The following OTOF variants were observed in gnomAD, a reference collection of about 807,000 sequenced individuals.
OTOF encodes the protein fer-1-like family member 2.
OTOF carries 218 observed loss-of-function variants against 236.8 expected under a neutral mutation model. The ratio of observed to expected loss-of-function variants is 0.92; its 90% CI spans 0.82 to 1.03. The LOEUF (loss-of-function observed/expected upper bound fraction) is 1.03. Ranked by LOEUF, OTOF falls within the 50% of genes least tolerant of loss-of-function variation. OTOF has a pLI of 0.00. For missense variants in OTOF, 2,590 were observed against 2,694.4 expected, an observed-to-expected ratio of 0.96 and a Z score of 0.86; for synonymous variants, 1,041 against 1,072.5, an observed-to-expected ratio of 0.97 and a Z score of 0.57.
intron 13 of OTOF, 49 bp downstream of exon 13, chr2:26,483,413 G>A (rs750399514): frequency 1.4e-5 from 22 of 1,563,056 alleles, no homozygotes; most frequent in East Asian, 4.5e-5. Context: ...GCCTGCCCTT[G>A]TGATACCTGT....
intron 38 of OTOF, 66 bp from the exon 39 acceptor site, chr2:26,465,095 G>A: frequency 1.5e-6 from 2 of 1,354,774 alleles, no homozygotes; most frequent in Non-Finnish European, 2.0e-6. Context: ...ATGACAGCTG[G>A]TCGTGGCCAG....
At chr2:26,532,176 G>A (rs1389783302) in intron 2 of OTOF, among the ~76,000 whole-genome samples, 2 of 150,194 alleles carry the variant, frequency 1.3e-5, no homozygotes, top group Admixed American at 6.6e-5. Flanking sequence ...AGTACTTCCA[G>A]AGCACATTTA....
At chr2:26,505,436 G>GACAC (rs931753227) in intron 5 of OTOF, among the ~76,000 whole-genome samples, 26 of 112,756 alleles carry the variant, frequency 2.3e-4, no homozygotes, top group Admixed American at 5.3e-4. Context: ...CACACACACA[G>GACAC]ACACACACAC....
intron 30 of OTOF, among the ~76,000 whole-genome samples, chr2:26,471,811 ACAC>A (rs1046032530): frequency 2.0e-5 from 3 of 152,078 alleles, no homozygotes; most frequent in African/African-American, 7.2e-5. Context: ...ATATGCACAT[ACAC>A]CACATGCACA....
intron 11 of OTOF, among the ~76,000 whole-genome samples, chr2:26,486,990 C>T (rs535209857): frequency 6.6e-6 from 1 of 152,232 alleles, no homozygotes; most frequent in Admixed American, 6.5e-5. Context: ...GAGTGTATGC[C>T]CCTGACTTCC....
rs981207004 is a variant in OTOF at position 26,461,353 on chromosome 2, A to C, written c.5534-323T>G. Among the ~76,000 whole-genome samples the C allele has an allele frequency of 7.9e-5, 12 of 152,272 alleles. No individual in the cohort carries two copies. Among genetic ancestry groups the C allele is most frequent in the African/African-American group, 2.9e-4 (12 of 41,542 alleles). On this transcript the variant is annotated intron_variant, in intron 43 of 46. Coordinates refer to ENST00000272371, the MANE Select transcript of OTOF (RefSeq NM_194248.3). The surrounding 1 kb of genome is among the most constrained non-coding windows in gnomAD (Gnocchi z 6.2). Reference sequence around the variant, plus strand: ...ACAAGCTTTTGCAGATGCAGATTAGAGTTTTAGGGAGAATCCCTGCTTTAC... The same window carrying C: ...ACAAGCTTTTGCAGATGCAGATTAGCGTTTTAGGGAGAATCCCTGCTTTAC...
intron 6 of OTOF, among the ~76,000 whole-genome samples, chr2:26,503,462 A>G (rs1222704679): frequency 2.0e-5 from 3 of 152,256 alleles, no homozygotes; most frequent in Non-Finnish European, 4.4e-5. Context: ...GAGTTGGCCA[A>G]ACAGCGTTTC....
chr2:26,476,353 G>A, intron 22 of OTOF, 36 bp from the exon 23 acceptor site: 1 of 1,589,116 alleles, frequency 6.3e-7, no homozygotes, highest in Middle Eastern at 2.2e-4. Flanking sequence ...GAGCCTGACG[G>A]CTGCCAGGGC....
chr2:26,529,852 T>C (rs13391461), intron 2 of OTOF, among the ~76,000 whole-genome samples: 4,556 of 84,238 alleles, frequency 0.054, 220 homozygotes, highest in African/African-American at 0.12. Flanking sequence ...AGAGGCGAGG[T>C]GGGCACAGGG....
intron 4 of OTOF, 57 bp downstream of exon 4, chr2:26,518,953 C>T: frequency 8.1e-7 from 1 of 1,231,046 alleles, no homozygotes; most frequent in Non-Finnish European, 1.2e-6. Context: ...GCAGGGAGAA[C>T]AGACCCCCAG....
In OTOF at chr2:26,525,620, T is replaced by C. The variant is rs140012759; in HGVS notation, c.227+2212A>G. Among the ~76,000 whole-genome samples, 380 of 152,340 alleles carry C rather than the reference T, an allele frequency of 2.5e-3. 1 individual carries two copies. The highest frequency in any genetic ancestry group is 7.3e-3 in the African/African-American group (302 of 41,576). On this transcript the variant is annotated intron_variant, in intron 3 of 46. Transcript: ENST00000272371. ...GTGTCTGACTGGCAGAAAGCATTTGTTCACTATATGTATGATGAGTGACTG... is the reference window on the plus strand; with the variant it reads ...GTGTCTGACTGGCAGAAAGCATTTGCTCACTATATGTATGATGAGTGACTG...
intron 11 of OTOF, among the ~76,000 whole-genome samples, chr2:26,486,741 C>T (rs1436667654): frequency 1.3e-5 from 2 of 152,150 alleles, no homozygotes; most frequent in East Asian, 1.9e-4. Context: ...AGAGATGGTG[C>T]TGTGGGGGTC....
rs781589112 is a variant in OTOF, at chr2:26,470,757, T to C, written c.3895-36A>G. 7.5e-6 allele frequency: 12 copies of C among 1,606,150 alleles called. No homozygotes were observed. In the Admixed American group the frequency reaches 1.2e-4, roughly 16 times the overall value. On this transcript the variant is annotated intron_variant, in intron 31 of 46. Coordinates refer to ENST00000272371, the MANE Select transcript of OTOF (RefSeq NM_194248.3). The surrounding 1 kb of genome is among the most constrained non-coding windows in gnomAD (Gnocchi z 4.3). ...GCCAGGTCCAGAGTCCTACATGGAC[T>C]CCTCCTGCCTGGACAATCCCGAGAG... is the stretch of plus-strand genomic sequence containing the variant.
intron 14 of OTOF, 58 bp from the exon 15 acceptor site, chr2:26,481,067 G>A: frequency 7.5e-7 from 1 of 1,341,928 alleles, no homozygotes; most frequent in Non-Finnish European, 1.1e-6. Context: ...CCCTGGGGAA[G>A]AGGGGCCTCT....
In OTOF at chr2:26,476,021, G is replaced by A. The variant is rs1305473648; in HGVS notation, c.2884C>T (p.Leu962Phe). The change falls in exon 24 of 47, where the codon CTC (leucine) becomes TTC (phenylalanine). Residue 962 changes from leucine (L) to phenylalanine (F), a missense_variant. Leu to Phe is a conservative substitution (Grantham distance 22, BLOSUM62 0). This residue lies in a region of OTOF where 1,379 missense variants were observed against 1,341.6 expected (regional missense o/e 1.03). Transcript: ENST00000272371. ...CGGGCCTGGTACATGTGCGCTCGGA[G>A]CTGGAACGCCTGCTTCTCTGTGGGG... ...LVYTKKQAFQ[L>F]RAHMYQARSL... is the part of the protein sequence containing the mutation. The A allele has an allele frequency of 6.2e-7, 1 of 1,612,752 alleles. No individual in the cohort carries two copies. The highest frequency in any genetic ancestry group is 1.1e-5 in the South Asian group (1 of 91,028).
Position 26,472,557 on chromosome 2 carries a change from G to A in OTOF, c.3826C>T (p.Pro1276Ser), listed in dbSNP as rs780946755. ...ACCATGGTCTCCAGTTTCTTGATGG[G>A]TACCTCTGGCTCCATAGTCACCACA... is the stretch of plus-strand genomic sequence containing the variant. The part of the protein sequence containing the change: ...EVVVTMEPEV[P>S]IKKLETMVKL... The change falls in exon 30 of 47, where the codon CCC (proline) becomes TCC (serine). Residue 1276 changes from proline (P) to serine (S), a missense_variant. Physicochemically the swap from Pro to Ser is moderately conservative, Grantham distance 74 (BLOSUM62 -1). Transcript: ENST00000272371. 1.2e-6 allele frequency: 2 copies of A among 1,613,510 alleles called. No individual in the cohort carries two copies. Among genetic ancestry groups the A allele is most frequent in the East Asian group, 2.2e-5 (1 of 44,886 alleles).
At chr2:26,540,295 T>A (rs1380854789) in intron 1 of OTOF, among the ~76,000 whole-genome samples, 1 of 152,228 alleles carries the variant, frequency 6.6e-6, no homozygotes, top group Non-Finnish European at 1.5e-5. Flanking sequence ...TGTCTCCAGG[T>A]TGAAGCCATT....
Position 26,516,539 on chromosome 2 carries a change from C to G in OTOF, c.388G>C (p.Asp130His). The G allele has an allele frequency of 6.2e-7, 1 of 1,612,846 alleles. No individual in the cohort carries two copies. Among genetic ancestry groups the G allele is most frequent in the Middle Eastern group, 1.6e-4 (1 of 6,062 alleles). ...ATDGTVGSWDDGDFLGDESLQ... is the reference protein window; with the variant it reads ...ATDGTVGSWDHGDFLGDESLQ... ...GACTCATCTCCCAGGAAGTCCCCAT[C>G]GTCCCAGGAGCCCACTGTGCCGTCA... The change falls in exon 5 of 47, where the codon GAT (aspartate) becomes CAT (histidine). Residue 130 changes from aspartate (D) to histidine (H), a missense_variant. Physicochemically the swap from Asp to His is moderately conservative, Grantham distance 81. Transcript: ENST00000272371.
At chr2:26,549,194 ATCT>A (rs1198673789) in intron 1 of OTOF, among the ~76,000 whole-genome samples, 11 of 152,186 alleles carry the variant, frequency 7.2e-5, no homozygotes, top group Admixed American at 7.2e-4. Context: ...TTCAAAGATA[ATCT>A]TCTTATTATT....
Sources: gnomAD v4.1 joint callset for allele counts (sites outside exome capture counted in the v4.1 genomes callset) on GRCh38, gnomAD v4.1.1 for gene constraint, gnomAD v4.1.1 regional missense constraint, Gnocchi (gnomAD v3.1) non-coding constraint, MANE v1.5 for transcripts, NCBI Gene and HGNC (gene_info 2026-07-23, HGNC 2026-07-21) for gene names.